The following SYT1 variants were observed in gnomAD, a reference collection of about 807,000 sequenced individuals.
SYT1 encodes synaptotagmin-1.
SYT1 carries 8 observed loss-of-function variants against 44.8 expected under a neutral mutation model. The observed-to-expected ratio is 0.18, with a 90% CI of 0.10 to 0.32. SYT1 has a LOEUF of 0.32. SYT1 is among the 10% of genes least tolerant of loss of function. SYT1 has a pLI of 1.00. For synonymous variants in SYT1, 154 were observed against 188.8 expected, an observed-to-expected ratio of 0.82 and a Z score of 1.51; for missense variants, 286 against 509.3, an observed-to-expected ratio of 0.56 and a Z score of 4.22.
At chr12:79,445,588 A>C (rs1240709168) in intron 10 of SYT1, among the ~76,000 whole-genome samples, 1 of 151,374 alleles carries the variant, frequency 6.6e-6, no homozygotes, top group African/African-American at 2.4e-5. Context: ...ACTTAACATA[A>C]TGTCTGCCAG....
intron 8 of SYT1, among the ~76,000 whole-genome samples, chr12:79,316,512 T>C (rs1881091440): frequency 6.6e-6 from 1 of 152,214 alleles, no homozygotes; most frequent in Admixed American, 6.5e-5. Flanking sequence ...GGTAGGTGTA[T>C]GTATCACACT....
intron 1 of SYT1, among the ~76,000 whole-genome samples, chr12:78,880,736 C>CTT (rs150635666): frequency 2.0e-5 from 3 of 150,218 alleles, no homozygotes; most frequent in African/African-American, 7.3e-5. Flanking sequence ...AGGAAATTTT[C>CTT]TTTTTTTTTG....
intron 3 of SYT1, among the ~76,000 whole-genome samples, chr12:79,130,883 C>T (rs1338625517): frequency 1.3e-5 from 2 of 152,080 alleles, no homozygotes; most frequent in Non-Finnish European, 2.9e-5. Flanking sequence ...TAGTTCTTAA[C>T]ACACATCTAC....
chr12:79,372,920 T>C (rs914133666), intron 9 of SYT1, among the ~76,000 whole-genome samples: 1 of 152,172 alleles, frequency 6.6e-6, no homozygotes, highest in African/African-American at 2.4e-5. Flanking sequence ...CCATGAACAT[T>C]ATCTCTCCAC....
rs189377681 is a variant in SYT1 at position 79,088,063 on chromosome 12, A to G, written c.-18+40701A>G. On this transcript the variant is annotated intron_variant, in intron 3 of 10. Transcript: ENST00000261205. ...TTAATTCTTTATTTGTAAAATTAGC[A>G]TAATAACCAGGCCTCTCTCCTATGA... Among the ~76,000 whole-genome samples, 5 of 152,180 alleles carry G rather than the reference A, an allele frequency of 3.3e-5. No individual in the cohort carries two copies. The East Asian group carries it at 5.8e-4, about 18-fold the overall frequency.
At chr12:79,191,090 CATAAAT>C (rs931793621) in intron 3 of SYT1, among the ~76,000 whole-genome samples, 27 of 97,336 alleles carry the variant, frequency 2.8e-4, no homozygotes, top group Non-Finnish European at 3.9e-4. Context: ...CTGAAAAAAA[CATAAAT>C]ATAAATATAT....
intron 3 of SYT1, among the ~76,000 whole-genome samples, chr12:79,117,657 T>C (rs1879348766): frequency 1.2e-5 from 1 of 83,548 alleles, no homozygotes; most frequent in Non-Finnish European, 2.3e-5. Flanking sequence ...GTGTGTGTAT[T>C]ACATCATATA....
At chr12:79,186,198 T>G (rs1430440585) in intron 3 of SYT1, among the ~76,000 whole-genome samples, 1 of 152,036 alleles carries the variant, frequency 6.6e-6, no homozygotes, top group Non-Finnish European at 1.5e-5. Flanking sequence ...TGACATAAAG[T>G]TCAATTACTT....
chr12:79,424,242 C>A (rs930212272), intron 9 of SYT1, among the ~76,000 whole-genome samples: 1 of 151,972 alleles, frequency 6.6e-6, no homozygotes, highest in African/African-American at 2.4e-5. Context: ...AGATGATTAT[C>A]AGTATTATGA....
chr12:78,891,213 C>T (rs928976065), intron 1 of SYT1, among the ~76,000 whole-genome samples: 4 of 151,780 alleles, frequency 2.6e-5, no homozygotes, highest in Non-Finnish European at 5.9e-5. Context: ...AGTTGCTAGC[C>T]GCCAACATAT....
chr12:79,082,490 A>T (rs1877101494), intron 3 of SYT1, among the ~76,000 whole-genome samples: 1 of 152,228 alleles, frequency 6.6e-6, no homozygotes, highest in Admixed American at 6.5e-5. Flanking sequence ...TCCTCAGGAA[A>T]CTGGTACAAC....
chr12:79,208,296 CT>C (rs2138523978), intron 3 of SYT1, among the ~76,000 whole-genome samples: 1 of 152,282 alleles, frequency 6.6e-6, no homozygotes, highest in South Asian at 2.1e-4. Flanking sequence ...CAAGCAGAAA[CT>C]CGTGGGCTGC....
intron 3 of SYT1, among the ~76,000 whole-genome samples, chr12:79,214,988 T>G (rs1165934748): frequency 6.6e-6 from 1 of 151,422 alleles, no homozygotes; most frequent in Non-Finnish European, 1.5e-5. Flanking sequence ...TGTACAATTT[T>G]AGTCTGGCTG....
intron 3 of SYT1, among the ~76,000 whole-genome samples, chr12:79,062,688 G>A (rs1449141942): frequency 1.3e-5 from 2 of 152,056 alleles, no homozygotes; most frequent in African/African-American, 2.4e-5. Flanking sequence ...TTGAACACAC[G>A]GAATGTGAGA....
At chr12:79,135,997 G>C (rs1869165512) in intron 3 of SYT1, among the ~76,000 whole-genome samples, 1 of 152,202 alleles carries the variant, frequency 6.6e-6, no homozygotes, top group African/African-American at 2.4e-5. Context: ...TCCCAGAAGG[G>C]CAGCTTGAGA....
At chr12:79,054,396 A>G (rs1296938812) in intron 3 of SYT1, among the ~76,000 whole-genome samples, 1 of 152,062 alleles carries the variant, frequency 6.6e-6, no homozygotes, top group East Asian at 1.9e-4. Context: ...ATTATTAAAG[A>G]CAGCAATCTT....
rs1258133064 is a variant in SYT1, at chr12:79,353,629, C to T, written c.928+10C>T. On this transcript the variant is annotated intron_variant, in intron 9 of 10. Transcript: ENST00000261205. ...GTGGGTGGCTTATCCGGTAAGCCTG[C>T]AGTGTTTATTGATTTTTTTCAAATG... The T allele has an allele frequency of 1.0e-5, 16 of 1,598,424 alleles. No homozygotes were observed. Among genetic ancestry groups the T allele is most frequent in the African/African-American group, 6.7e-5 (5 of 74,524 alleles).
intron 4 of SYT1, among the ~76,000 whole-genome samples, chr12:79,274,533 C>T (rs1388617071): frequency 1.3e-5 from 2 of 152,202 alleles, no homozygotes; most frequent in East Asian, 1.9e-4. Flanking sequence ...TTTCAACCTC[C>T]GCTGCTTTGC....
At position 79,044,360 on chromosome 12, in the gene SYT1, G is replaced by A. The variant is rs1243081418; in HGVS notation, c.-83-2937G>A. Among the ~76,000 whole-genome samples the A allele has an allele frequency of 2.4e-3, 365 of 151,676 alleles. 2 individuals carry two copies. The highest frequency in any genetic ancestry group is 0.01 in the Middle Eastern group (3 of 294). On this transcript the variant is annotated intron_variant, in intron 2 of 10. Transcript: ENST00000261205. ...CTTTTTTCTCTAAACTTCCCTTCTC[G>A]CTTCATTTCATTCATTTCATCTTCT...
Sources: allele counts gnomAD v4.1 joint callset (sites outside exome capture counted in the v4.1 genomes callset), GRCh38; gene constraint gnomAD v4.1.1; transcripts MANE v1.5; gene names NCBI Gene and HGNC (gene_info 2026-07-23, HGNC 2026-07-21).